PPP1R2: variants seen among roughly 807,000 people sequenced by gnomAD.
The protein encoded by PPP1R2 is protein phosphatase 1 regulatory inhibitor subunit 2.
PPP1R2 carries 16 observed loss-of-function variants against 29.9 expected under a neutral mutation model. The ratio of observed to expected loss-of-function variants is 0.53; its 90% CI spans 0.36 to 0.81. PPP1R2 has a LOEUF of 0.81. Ranked by LOEUF, PPP1R2 falls within the 30% of genes least tolerant of loss-of-function variation. The pLI, the probability that PPP1R2 is intolerant of heterozygous loss-of-function variation, is 0.00. For missense variants in PPP1R2, 197 were observed against 252.7 expected (o/e 0.78, Z 1.49); for synonymous variants, 76 against 91.5 (o/e 0.83, Z 0.96).
At chr3:195,519,720 G>A (rs1718680899) in intron 4 of PPP1R2, 1 of 151,760 alleles carries the variant, frequency 6.6e-6, no homozygotes. Context: ...AGACATTGTT[G>A]GCTAAAAACG....
chr3:195,530,892 G>A lies in PPP1R2; in HGVS notation c.123-991C>T, dbSNP rs548061727. Among the ~76,000 whole-genome samples, 60 of 152,072 alleles carry A rather than the reference G, an allele frequency of 3.9e-4. 1 individual carries two copies. The highest frequency in any genetic ancestry group is 1.0e-3 in the South Asian group (5 of 4,814). On this transcript the variant is annotated intron_variant, in intron 1 of 5. Coordinates refer to ENST00000618156, the MANE Select transcript of PPP1R2 (RefSeq NM_006241.8). ...GGCTGGAGTGCAATGGCACGATCTC[G>A]GCTCACTGCAACCTCTGCCTCCTGG...
chr3:195,520,426 T>C (rs933052901), intron 4 of PPP1R2, among the ~76,000 whole-genome samples: 2 of 152,082 alleles, frequency 1.3e-5, no homozygotes, highest in East Asian at 3.9e-4. Flanking sequence ...CTGGGCAACA[T>C]GGCAAGAACC....
chr3:195,523,063 CCTT>C (rs1440391546), intron 4 of PPP1R2: 1 of 152,544 alleles, frequency 6.6e-6, no homozygotes, highest in African/African-American at 2.4e-5. Flanking sequence ...AAGACATACT[CCTT>C]TTCTCCCAGC....
Position 195,531,050 on chromosome 3 carries a change from T to C in PPP1R2, c.123-1149A>G, listed in dbSNP as rs537837056. The stretch of plus-strand genomic sequence containing the variant: ...GTTGGCCAGGCTGGTCTTGAACTCC[T>C]GACCTTACGTGATCTGCCTGCCTGG... On this transcript the variant is annotated intron_variant, in intron 1 of 5. Transcript: ENST00000618156. 1.8e-4 allele frequency among the ~76,000 whole-genome samples: 27 copies of C among 152,152 alleles called. 1 individual carries two copies. The East Asian group carries it at 4.4e-3, about 25-fold the overall frequency.
chr3:195,525,846 A>G (rs2108943619), intron 2 of PPP1R2, among the ~76,000 whole-genome samples: 1 of 152,306 alleles, frequency 6.6e-6, no homozygotes, highest in South Asian at 2.1e-4. Context: ...GTAAGTCTAT[A>G]GTTTAGATGA....
intron 1 of PPP1R2, among the ~76,000 whole-genome samples, chr3:195,535,882 T>A (rs1719361190): frequency 2.0e-5 from 3 of 152,184 alleles, no homozygotes; most frequent in African/African-American, 7.2e-5. Context: ...GATGTATTTT[T>A]GTAAAGTTAC....
At chr3:195,527,949 C>T (rs1277049343) in intron 2 of PPP1R2, 2 of 308,432 alleles carry the variant, frequency 6.5e-6, no homozygotes, top group Non-Finnish European at 6.4e-6. Context: ...TTTTAGCATG[C>T]GTATTTTTTT....
Position 195,543,283 on chromosome 3 carries a change from G to A in PPP1R2, c.-258C>T, listed in dbSNP as rs1055066558. The A allele has an allele frequency of 4.4e-5, 16 of 364,386 alleles. No individual in the cohort carries two copies. The highest frequency in any genetic ancestry group is 1.1e-4 in the African/African-American group (5 of 46,914). 22.6% of individuals were successfully genotyped at this position (364,386 alleles called of 1,614,324 possible). On this transcript the variant is annotated 5_prime_UTR_variant, in exon 1 of 6. Transcript: ENST00000618156. ...CTTGACCCGCGGCTCGCGGAGAGAC[G>A]CCGGCCTAGAGCTCCAGCGCAGGAG...
At chr3:195,528,805 C>T (rs996992436) in intron 2 of PPP1R2, 17 of 142,314 alleles carry the variant, frequency 1.2e-4, no homozygotes, top group Admixed American at 9.9e-4. Context: ...CCACCTCTGC[C>T]TCTGTAATCT....
chr3:195,543,250 C>T lies in PPP1R2; in HGVS notation c.-225G>A, dbSNP rs1022538507. The stretch of plus-strand genomic sequence containing the variant: ...TGGCGGCTACTCGCGCACCCTTAGC[C>T]ACTGGCACTTGACCCGCGGCTCGCG... On this transcript the variant is annotated 5_prime_UTR_variant, in exon 1 of 6. Transcript: ENST00000618156. 1.2e-5 allele frequency: 6 copies of T among 497,794 alleles called. No homozygotes were observed. Among genetic ancestry groups the T allele is most frequent in the Non-Finnish European group, 1.7e-5 (5 of 295,868 alleles). 30.8% of individuals were successfully genotyped at this position (497,794 alleles called of 1,614,324 possible).
At chr3:195,531,346 C>T (rs1719173038) in intron 1 of PPP1R2, among the ~76,000 whole-genome samples, 1 of 152,182 alleles carries the variant, frequency 6.6e-6, no homozygotes. Context: ...AAATGTTACA[C>T]TGATTTAAAT....
intron 1 of PPP1R2, among the ~76,000 whole-genome samples, chr3:195,541,414 T>A (rs373270523): frequency 2.0e-5 from 3 of 151,984 alleles, no homozygotes; most frequent in Non-Finnish European, 4.4e-5. Context: ...GAGCCTTCTG[T>A]AGTTACGTTA....
At chr3:195,542,435 G>A (rs1237399764) in intron 1 of PPP1R2, among the ~76,000 whole-genome samples, 2 of 152,298 alleles carry the variant, frequency 1.3e-5, no homozygotes, top group Middle Eastern at 3.4e-3. Flanking sequence ...GGTTGCAGAT[G>A]CAGAAATACA....
chr3:195,523,539 C>G (rs1459415346), intron 4 of PPP1R2, among the ~76,000 whole-genome samples, 153 bp downstream of exon 4: 1 of 152,164 alleles, frequency 6.6e-6, no homozygotes, highest in Non-Finnish European at 1.5e-5. Context: ...CAACAAAACA[C>G]ACAAGTAGTA....
In PPP1R2 at chr3:195,526,511, C is replaced by T. The variant is rs116783893; in HGVS notation, c.231-1615G>A. 5.1e-3 allele frequency among the ~76,000 whole-genome samples: 780 copies of T among 152,302 alleles called. 5 individuals carry two copies. The highest frequency in any genetic ancestry group is 0.018 in the African/African-American group (742 of 41,560). On this transcript the variant is annotated intron_variant, in intron 2 of 5. Coordinates refer to ENST00000618156, the MANE Select transcript of PPP1R2 (RefSeq NM_006241.8). ...CTCTGCATGCACATAGCCTCAATTA[C>T]TTAGGGACCAAATAACTTTTCTGGT...
Position 195,516,044 on chromosome 3 carries a change from G to A in PPP1R2, c.*852C>T, listed in dbSNP as rs529677049. Reference sequence around the variant, plus strand: ...AGTCTTAATGATCCTTTAAAAGGTAGAAGATTGTGTGCGTATGTGTGGAAA... The same window carrying A: ...AGTCTTAATGATCCTTTAAAAGGTAAAAGATTGTGTGCGTATGTGTGGAAA... On this transcript the variant is annotated 3_prime_UTR_variant, in exon 6 of 6. Transcript: ENST00000618156. 3.9e-5 allele frequency: 6 copies of A among 152,304 alleles called. No individual in the cohort carries two copies. The East Asian group carries it at 5.8e-4, about 15-fold the overall frequency. The allele number at this position is 152,304 out of a possible 1,614,324, so 9.4% of individuals were successfully genotyped here. A position where few individuals can be genotyped will look rare whatever the true frequency, so the allele number is the denominator to read the frequency against.
intron 2 of PPP1R2, chr3:195,527,993 CT>C (rs531532061): frequency 2.5e-4 from 72 of 293,312 alleles, no homozygotes; most frequent in Admixed American, 6.9e-4. Flanking sequence ...TTTTCTTCCC[CT>C]CAATTTATTT....
chr3:195,517,004 T>C, intron 5 of PPP1R2, 62 bp from the exon 6 acceptor site: 3 of 1,338,778 alleles, frequency 2.2e-6, no homozygotes, highest in African/African-American at 2.9e-5. Context: ...TGGCTAAAGT[T>C]CCCTTCTATT....
Position 195,515,421 on chromosome 3 carries a change from A to C in PPP1R2, c.*1475T>G, listed in dbSNP as rs1718509572. 1 of 152,656 alleles carries C rather than the reference A, an allele frequency of 6.6e-6. No homozygotes were observed. Among genetic ancestry groups the C allele is most frequent in the South Asian group, 2.1e-4 (1 of 4,830 alleles). The allele number at this position is 152,656 out of a possible 1,614,324, so 9.5% of individuals were successfully genotyped here. On this transcript the variant is annotated 3_prime_UTR_variant, in exon 6 of 6. Coordinates refer to ENST00000618156, the MANE Select transcript of PPP1R2 (RefSeq NM_006241.8). ...CCTTCTTTCATATATGTATCTATAT[A>C]TAAAATATACAGACGTTATTTTAGA...
Sources: allele counts gnomAD v4.1 joint callset (sites outside exome capture counted in the v4.1 genomes callset), GRCh38; gene constraint gnomAD v4.1.1; transcripts MANE v1.5; gene names NCBI Gene and HGNC (gene_info 2026-07-23, HGNC 2026-07-21).